The following CSE1L variants were observed in gnomAD, a reference collection of about 807,000 sequenced individuals.
CSE1L encodes chromosome segregation 1 like, also known as exportin-2.
Under a neutral mutation model 120.4 loss-of-function variants are expected in CSE1L, and 24 were observed. The observed-to-expected ratio is 0.20, with a 90% CI of 0.14 to 0.28. The LOEUF (loss-of-function observed/expected upper bound fraction) is 0.28. Ranked by LOEUF, CSE1L falls within the 10% of genes least tolerant of loss-of-function variation. CSE1L has a pLI of 1.00. For synonymous variants in CSE1L, 402 were observed against 398.3 expected (o/e 1.01, Z -0.11); for missense variants, 830 against 1,145.2 (o/e 0.72, Z 3.97).
rs764767332 is a variant in CSE1L, at chr20:49,066,228, C to A, written c.265C>A (p.Arg89=). Residue 89 remains arginine, a synonymous_variant, in exon 4 of 25, where the codon CGA becomes AGA. Coordinates refer to ENST00000262982, the MANE Select transcript of CSE1L (RefSeq NM_001316.4). The part of the protein sequence containing the change: ...DEPNKICEAD[R]VAIKANIVHL... ...ACCAAACAAAATTTGTGAAGCCGAT[C>A]GAGTGGCCATTAAAGCCAACATAGT... The A allele has an allele frequency of 6.2e-7, 1 of 1,614,172 alleles. No homozygotes were observed. The highest frequency in any genetic ancestry group is 8.5e-7 in the Non-Finnish European group (1 of 1,180,040).
intron 13 of CSE1L, 89 bp downstream of exon 13, chr20:49,077,153 C>A: frequency 1.3e-4 from 53 of 401,490 alleles, no homozygotes; most frequent in Non-Finnish European, 2.1e-4. Context: ...CCCTTTTGTT[C>A]TTTTTTTTTT....
At chr20:49,077,607 G>A (rs2091979447) in intron 13 of CSE1L, among the ~76,000 whole-genome samples, 1 of 152,190 alleles carries the variant, frequency 6.6e-6, no homozygotes, top group South Asian at 2.1e-4. Flanking sequence ...GCTACCTAGT[G>A]TATAAATAAG....
chr20:49,079,918 A>G (rs2091998063), intron 14 of CSE1L, among the ~76,000 whole-genome samples: 1 of 152,080 alleles, frequency 6.6e-6, no homozygotes, highest in Non-Finnish European at 1.5e-5. Context: ...CATCTCTACT[A>G]AAAATACTAG....
chr20:49,086,085 A>G (rs1568784380), intron 16 of CSE1L, among the ~76,000 whole-genome samples: 1 of 152,152 alleles, frequency 6.6e-6, no homozygotes. Context: ...AGCTGTATCC[A>G]TCCACAGGCT....
At chr20:49,061,286 C>A (rs2091850853) in intron 2 of CSE1L, among the ~76,000 whole-genome samples, 1 of 148,412 alleles carries the variant, frequency 6.7e-6, no homozygotes, top group African/African-American at 2.5e-5. Context: ...CATTCTCCTG[C>A]CTCAGCCTCC....
rs544269070 is a variant in CSE1L at position 49,089,708 on chromosome 20, G to A, written c.2143G>A (p.Gly715Ser). The A allele has an allele frequency of 2.5e-5, 41 of 1,614,184 alleles. No homozygotes were observed. The East Asian group carries it at 4.7e-4, about 18-fold the overall frequency. The change falls in exon 19 of 25, where the codon GGT becomes AGT. Residue 715 changes from glycine (G) to serine (S), a missense_variant. By Grantham distance (56) the Gly-to-Ser change is moderately conservative. This residue lies in a region of CSE1L where 168 missense variants were observed against 267.9 expected (regional missense o/e 0.63). Coordinates refer to ENST00000262982, the MANE Select transcript of CSE1L (RefSeq NM_001316.4). Reference protein sequence around the residue: ...VRLLQAFLERGSNTIASAAAD... With the variant: ...VRLLQAFLERSSNTIASAAAD... ...GCTTCTTCAAGCATTCTTAGAACGCGGTTCAAACACAATAGCAAGTGCTGC... is the reference window on the plus strand; with the variant it reads ...GCTTCTTCAAGCATTCTTAGAACGCAGTTCAAACACAATAGCAAGTGCTGC...
At chr20:49,057,502 G>C (rs1292736857) in intron 1 of CSE1L, among the ~76,000 whole-genome samples, 1 of 138,632 alleles carries the variant, frequency 7.2e-6, no homozygotes, top group East Asian at 2.2e-4. Context: ...CACCCAAGTT[G>C]GAGTGCAGTG....
chr20:49,047,407 G>C (rs3092374), intron 1 of CSE1L, among the ~76,000 whole-genome samples: 96,429 of 151,456 alleles, frequency 0.64, 31,067 homozygotes, highest in African/African-American at 0.74. Flanking sequence ...ATATTCCAGG[G>C]TTATTCCGAT....
chr20:49,049,438 C>T (rs964248561), intron 1 of CSE1L, among the ~76,000 whole-genome samples: 13 of 152,198 alleles, frequency 8.5e-5, no homozygotes, highest in African/African-American at 3.1e-4. Context: ...ACCTTGGCCC[C>T]CCAAAGAGCT....
chr20:49,089,174 C>CT lies in CSE1L; in HGVS notation c.1822-72dup, dbSNP rs996532759. On this transcript the variant is annotated intron_variant, in intron 17 of 24. Coordinates refer to ENST00000262982, the MANE Select transcript of CSE1L (RefSeq NM_001316.4). The stretch of plus-strand genomic sequence containing the variant: ...TGATTTTTAAAAAATAAGATGGCCT[C>CT]TATTTTAAATGTGTTTTATAAAGGT... The CT allele has an allele frequency of 6.4e-5, 77 of 1,211,876 alleles. No homozygotes were observed. The African/African-American group carries it at 1.2e-3, about 19-fold the overall frequency. The allele number at this position is 1,211,876 out of a possible 1,614,324, so 75.1% of individuals were successfully genotyped here.
intron 12 of CSE1L, among the ~76,000 whole-genome samples, 168 bp downstream of exon 12, chr20:49,075,688 T>A (rs1162518155): frequency 6.6e-6 from 1 of 152,236 alleles, no homozygotes; most frequent in African/African-American, 2.4e-5. Context: ...TATTGAGCAC[T>A]TAAGTTTCTT....
At chr20:49,065,312 A>AT (rs1568769017) in intron 3 of CSE1L, among the ~76,000 whole-genome samples, 1 of 79,398 alleles carries the variant, frequency 1.3e-5, no homozygotes, top group Non-Finnish European at 2.4e-5. Context: ...ATGAAAAAAA[A>AT]ATTTTTTTTT....
At chr20:49,084,511 G>A (rs1165844906) in intron 15 of CSE1L, among the ~76,000 whole-genome samples, 3 of 152,170 alleles carry the variant, frequency 2.0e-5, no homozygotes, top group African/African-American at 7.2e-5. Flanking sequence ...AATTTTCACA[G>A]GGTCTATGAG....
intron 13 of CSE1L, 105 bp downstream of exon 13, chr20:49,077,169 T>C (rs995655850): frequency 2.8e-6 from 2 of 719,032 alleles, no homozygotes; most frequent in Non-Finnish European, 4.4e-6. Context: ...TTTTTTTTTT[T>C]TTTCTTTTGA....
At chr20:49,081,994 A>G (rs572298952) in intron 14 of CSE1L, among the ~76,000 whole-genome samples, 1 of 152,250 alleles carries the variant, frequency 6.6e-6, no homozygotes, top group African/African-American at 2.4e-5. Flanking sequence ...TAATTACTGT[A>G]GTGAATTCGG....
intron 3 of CSE1L, among the ~76,000 whole-genome samples, chr20:49,064,969 A>G (rs2091879556): frequency 1.3e-5 from 2 of 151,566 alleles, no homozygotes; most frequent in Admixed American, 1.3e-4. Context: ...AGCCTGGACA[A>G]CAAAGTGAGA....
intron 2 of CSE1L, 96 bp downstream of exon 2, chr20:49,058,644 A>G: frequency 1.1e-6 from 1 of 887,824 alleles, no homozygotes; most frequent in East Asian, 2.5e-5. Flanking sequence ...TATTTTAAAA[A>G]ATTCATACTT....
At chr20:49,082,147 T>C (rs889069279) in intron 14 of CSE1L, among the ~76,000 whole-genome samples, 33 of 152,012 alleles carry the variant, frequency 2.2e-4, no homozygotes, top group Admixed American at 1.9e-3. Context: ...AAGCCATGCT[T>C]TTTTTATACT....
rs757983160 is a variant in CSE1L at position 49,066,528 on chromosome 20, C to T, written c.476+18C>T. The T allele has an allele frequency of 1.3e-6, 2 of 1,578,750 alleles. No homozygotes were observed. The highest frequency in any genetic ancestry group is 3.8e-5 in the Admixed American group (2 of 52,592). On this transcript the variant is annotated intron_variant, in intron 5 of 24. Transcript: ENST00000262982. ...TTTAAAAGGTATTGATGCATAGATTCATGTTTTTAAAATACTTTCTAAAGT... is the reference window on the plus strand; with the variant it reads ...TTTAAAAGGTATTGATGCATAGATTTATGTTTTTAAAATACTTTCTAAAGT...
Sources: allele counts gnomAD v4.1 joint callset (sites outside exome capture counted in the v4.1 genomes callset), GRCh38; gene constraint gnomAD v4.1.1; regional missense constraint gnomAD v4.1.1; transcripts MANE v1.5; gene names NCBI Gene and HGNC (gene_info 2026-07-23, HGNC 2026-07-21).